The following PCDHGB6 variants were observed in gnomAD, a reference collection of about 807,000 sequenced individuals.
PCDHGB6 encodes the protein protocadherin gamma-B6.
Under a neutral mutation model 59.1 loss-of-function variants are expected in PCDHGB6, and 51 were observed. That is an observed-to-expected ratio of 0.86 (90% confidence interval 0.69 to 1.09). The LOEUF (loss-of-function observed/expected upper bound fraction) is 1.09. Ranked by LOEUF, PCDHGB6 falls within the 50% of genes least tolerant of loss-of-function variation. The pLI is 0.00. For missense variants in PCDHGB6, 1,148 were observed against 1,205.1 expected, an observed-to-expected ratio of 0.95 and a Z score of 0.70; for synonymous variants, 466 against 495.1, an observed-to-expected ratio of 0.94 and a Z score of 0.78.
intron 1 of PCDHGB6, among the ~76,000 whole-genome samples, chr5:141,467,441 T>C (rs919148544): frequency 6.6e-6 from 1 of 152,340 alleles, no homozygotes; most frequent in African/African-American, 2.4e-5. Context: ...CATTCATTAC[T>C]TTTTTCTTCC....
chr5:141,461,778 C>CA (rs1280703059), intron 1 of PCDHGB6, among the ~76,000 whole-genome samples: 6 of 152,052 alleles, frequency 3.9e-5, no homozygotes, highest in Non-Finnish European at 7.4e-5. Context: ...CTCAGCCTCC[C>CA]AAGTAGCTGG....
Position 141,409,322 on chromosome 5 carries a change from C to A in PCDHGB6, c.1120C>A (p.Leu374Met), listed in dbSNP as rs1161029892. ...TGTTGCCCTCTTCAAAACACGGGAT[C>A]TGGATTTCGGAGGAAATGGAGAAGT... ...MVVALFKTRD[L>M]DFGGNGEVRC... The change falls in exon 1 of 4, where the codon CTG becomes ATG. Residue 374 changes from leucine to methionine, a missense_variant. Physicochemically the swap from Leu to Met is conservative, Grantham distance 15. Around this residue, in one of 5 missense-constraint regions of PCDHGB6, gnomAD observed 549 missense variants for 527.5 expected, o/e 1.04. Transcript: ENST00000520790. 6.2e-7 allele frequency: 1 copy of A among 1,613,988 alleles called. No individual in the cohort carries two copies. The highest frequency in any genetic ancestry group is 8.5e-7 in the Non-Finnish European group (1 of 1,179,898).
chr5:141,439,150 G>A (rs971023726), intron 1 of PCDHGB6, among the ~76,000 whole-genome samples: 7 of 149,122 alleles, frequency 4.7e-5, no homozygotes, highest in South Asian at 2.1e-4. Flanking sequence ...CTGAGATCAC[G>A]CCACTGCACT....
In PCDHGB6 at chr5:141,431,279, C is replaced by G. The variant is rs1163372308; in HGVS notation, c.2418+20659C>G. Reference sequence around the variant, plus strand: ...CTCTCTGCAGAGCTACGAGCTCAGCCCGAACACTCACTTCTCCCTCATCGT... The same window carrying G: ...CTCTCTGCAGAGCTACGAGCTCAGCGCGAACACTCACTTCTCCCTCATCGT... On this transcript the variant is annotated intron_variant, in intron 1 of 3. Coordinates refer to ENST00000520790, the MANE Select transcript of PCDHGB6 (RefSeq NM_018926.3). This position sits in a 1 kb window ranked among gnomAD's most constrained non-coding sequence, Gnocchi z 4.8. 1 of 1,614,028 alleles carries G rather than the reference C, an allele frequency of 6.2e-7. No individual in the cohort carries two copies. Among genetic ancestry groups the G allele is most frequent in the African/African-American group, 1.3e-5 (1 of 74,926 alleles).
At chr5:141,495,492 G>C (rs1321150765) in intron 2 of PCDHGB6, among the ~76,000 whole-genome samples, 1 of 152,148 alleles carries the variant, frequency 6.6e-6, no homozygotes, top group Non-Finnish European at 1.5e-5. Flanking sequence ...CCTTTTTCTT[G>C]AGTTTCCGTC....
chr5:141,483,870 G>C (rs548525439), intron 1 of PCDHGB6, among the ~76,000 whole-genome samples: 9 of 152,142 alleles, frequency 5.9e-5, no homozygotes, highest in Non-Finnish European at 1.3e-4. Context: ...TCCAGATCAG[G>C]ATGGATTTTT....
rs771608897 is a variant in PCDHGB6, at chr5:141,490,857, C to T, written c.2419-3950C>T. 58 of 1,613,714 alleles carry T rather than the reference C, an allele frequency of 3.6e-5. 1 individual carries two copies. The highest frequency in any genetic ancestry group is 1.8e-4 in the Admixed American group (11 of 59,992). Reference sequence around the variant, plus strand: ...AGATTGTGGTGGGGGTTCGAGACTCCGGCTCTCCCCCATTGCATGCCAACA... The same window carrying T: ...AGATTGTGGTGGGGGTTCGAGACTCTGGCTCTCCCCCATTGCATGCCAACA... On this transcript the variant is annotated intron_variant, in intron 1 of 3. Transcript: ENST00000520790. The surrounding 1 kb of genome is among the most constrained non-coding windows in gnomAD (Gnocchi z 5.4).
chr5:141,415,502 A>T, intron 1 of PCDHGB6: 1 of 1,614,204 alleles, frequency 6.2e-7, no homozygotes, highest in African/African-American at 1.3e-5. Flanking sequence ...ATCTTCCCCC[A>T]GCCCAATTAT....
Position 141,408,489 on chromosome 5 carries a change from G to A in PCDHGB6, c.287G>A (p.Cys96Tyr). 6.2e-7 allele frequency: 1 copy of A among 1,614,076 alleles called. No homozygotes were observed. The highest frequency in any genetic ancestry group is 8.5e-7 in the Non-Finnish European group (1 of 1,179,910). ...VKNRIDREQI[C>Y]KERRRCELQL... ...AACCGAATAGACCGTGAGCAAATATGCAAAGAGAGAAGAAGATGTGAGTTG... is the reference window on the plus strand; with the variant it reads ...AACCGAATAGACCGTGAGCAAATATACAAAGAGAGAAGAAGATGTGAGTTG... The change falls in exon 1 of 4, where the codon TGC (cysteine) becomes TAC (tyrosine). Residue 96 changes from cysteine (C) to tyrosine (Y), a missense_variant. By Grantham distance (194) the Cys-to-Tyr change is radical. Transcript: ENST00000520790.
At chr5:141,508,324 G>A (rs1668975090) in intron 3 of PCDHGB6, 1 of 151,252 alleles carries the variant, frequency 6.6e-6, no homozygotes, top group African/African-American at 2.4e-5. Flanking sequence ...GAGGGGCACT[G>A]GAGAACTGAC....
In PCDHGB6 at chr5:141,431,543, C is replaced by T. The variant is rs1334234544; in HGVS notation, c.2418+20923C>T. The T allele has an allele frequency of 1.9e-6, 3 of 1,614,128 alleles. No individual in the cohort carries two copies. The highest frequency in any genetic ancestry group is 2.5e-6 in the Non-Finnish European group (3 of 1,180,036). ...GAATCTGGCCTTGGGCACGCAGCTGCTTGTAGTCAACGCTACCGACCCTGA... is the reference window on the plus strand; with the variant it reads ...GAATCTGGCCTTGGGCACGCAGCTGTTTGTAGTCAACGCTACCGACCCTGA... On this transcript the variant is annotated intron_variant, in intron 1 of 3. Transcript: ENST00000520790. This position sits in a 1 kb window ranked among gnomAD's most constrained non-coding sequence, Gnocchi z 4.8.
chr5:141,422,969 G>C (rs1269760845), intron 1 of PCDHGB6: 2 of 1,614,202 alleles, frequency 1.2e-6, no homozygotes, highest in South Asian at 2.2e-5. Flanking sequence ...CTGGCGCCCC[G>C]CTCTGCGGAA....
rs375665864 is a variant in PCDHGB6, at chr5:141,469,524, A to G, written c.2419-25283A>G. Among the ~76,000 whole-genome samples the G allele has an allele frequency of 2.4e-4, 36 of 152,260 alleles. No homozygotes were observed. The East Asian group carries it at 3.1e-3, about 13-fold the overall frequency. On this transcript the variant is annotated intron_variant, in intron 1 of 3. Coordinates refer to ENST00000520790, the MANE Select transcript of PCDHGB6 (RefSeq NM_018926.3). ...CGGGAGGTGGAGGTTGCAGTGAGCCAAGATTGTGCCACTGCACTCCAGCCT... is the reference window on the plus strand; with the variant it reads ...CGGGAGGTGGAGGTTGCAGTGAGCCGAGATTGTGCCACTGCACTCCAGCCT...
chr5:141,413,049 A>C (rs2095599926), intron 1 of PCDHGB6: 5 of 904,176 alleles, frequency 5.5e-6, no homozygotes, highest in Non-Finnish European at 8.1e-6. Context: ...GCTGCAGGGA[A>C]GCTCACTCCA....
chr5:141,416,523 C>G (rs2096035969), intron 1 of PCDHGB6: 1 of 152,064 alleles, frequency 6.6e-6, no homozygotes, highest in Admixed American at 6.6e-5. Flanking sequence ...TTCAGTGGCT[C>G]TTTAATGTAT....
At chr5:141,410,818 T>C (rs567397835) in intron 1 of PCDHGB6, 198 bp downstream of exon 1, 1 of 556,016 alleles carries the variant, frequency 1.8e-6, no homozygotes, top group African/African-American at 2.1e-5. Context: ...TGTAAAATAA[T>C]GTCACCAGAC....
rs752954707 is a variant in PCDHGB6 at position 141,476,801 on chromosome 5, C to T, written c.2419-18006C>T. The T allele has an allele frequency of 6.2e-7, 1 of 1,613,586 alleles. No individual in the cohort carries two copies. Among genetic ancestry groups the T allele is most frequent in the Non-Finnish European group, 8.5e-7 (1 of 1,180,020 alleles). On this transcript the variant is annotated intron_variant, in intron 1 of 3. Coordinates refer to ENST00000520790, the MANE Select transcript of PCDHGB6 (RefSeq NM_018926.3). This position sits in a 1 kb window ranked among gnomAD's most constrained non-coding sequence, Gnocchi z 7.6. Reference sequence around the variant, plus strand: ...GACCCCAGCTCTCTCCGCCAGCCTGCCTATTCACATCAAGGTGCTGGACGC... The same window carrying T: ...GACCCCAGCTCTCTCCGCCAGCCTGTCTATTCACATCAAGGTGCTGGACGC...
intron 1 of PCDHGB6, among the ~76,000 whole-genome samples, chr5:141,435,245 G>A (rs577996994): frequency 6.6e-6 from 1 of 152,132 alleles, no homozygotes; most frequent in Admixed American, 6.5e-5. Context: ...ATTCTTTCTG[G>A]CCATTAGGGA....
chr5:141,442,485 G>A (rs1000683527), intron 1 of PCDHGB6: 2 of 152,248 alleles, frequency 1.3e-5, no homozygotes, highest in Non-Finnish European at 2.9e-5. Flanking sequence ...TGGGGAAGGG[G>A]ATGATTGTGA....
Sources: gnomAD v4.1 joint callset for allele counts (sites outside exome capture counted in the v4.1 genomes callset) on GRCh38, gnomAD v4.1.1 for gene constraint, gnomAD v4.1.1 regional missense constraint, Gnocchi (gnomAD v3.1) non-coding constraint, MANE v1.5 for transcripts, NCBI Gene and HGNC (gene_info 2026-07-23, HGNC 2026-07-21) for gene names.